Variants in FOXN3 observed in about 807,000 individuals in gnomAD.
FOXN3 encodes forkhead box N3, also known as forkhead box protein N3.
Under a neutral mutation model 38.4 loss-of-function variants are expected in FOXN3, and 7 were observed. That is an observed-to-expected ratio of 0.18 (90% confidence interval 0.10 to 0.34). The LOEUF is 0.34. FOXN3 is among the 10% of genes least tolerant of loss of function. The pLI is 1.00. For missense variants in FOXN3, 456 were observed against 613.4 expected (o/e 0.74, Z 2.71); for synonymous variants, 230 against 242.2 (o/e 0.95, Z 0.47).
intron 3 of FOXN3, among the ~76,000 whole-genome samples, chr14:89,292,073 T>G (rs891077303): frequency 2.0e-5 from 3 of 152,272 alleles, no homozygotes; most frequent in African/African-American, 7.2e-5. Context: ...TCACCTCCTC[T>G]TTTCTAAACG....
intron 1 of FOXN3, among the ~76,000 whole-genome samples, chr14:89,597,164 TTCATTG>T (rs1324636819): frequency 1.3e-5 from 2 of 152,206 alleles, no homozygotes; most frequent in Non-Finnish European, 2.9e-5. Flanking sequence ...CTGTCATATT[TTCATTG>T]TCATTAATTT....
chr14:89,182,808 G>A lies in FOXN3; in HGVS notation c.746-2002C>T, dbSNP rs144354421. 3.6e-4 allele frequency among the ~76,000 whole-genome samples: 55 copies of A among 152,260 alleles called. No homozygotes were observed. In the East Asian group the frequency reaches 0.01, roughly 29 times the overall value. ...AGACCAATCGAACAGAAGAGCATTCGGAAATAGACTCACACGCATGTGGTC... is the reference window on the plus strand; with the variant it reads ...AGACCAATCGAACAGAAGAGCATTCAGAAATAGACTCACACGCATGTGGTC... On this transcript the variant is annotated intron_variant, in intron 4 of 5. Coordinates refer to ENST00000557258, the MANE Select transcript of FOXN3 (RefSeq NM_005197.4).
At chr14:89,285,802 A>G (rs1886611259) in intron 3 of FOXN3, among the ~76,000 whole-genome samples, 1 of 152,090 alleles carries the variant, frequency 6.6e-6, no homozygotes, top group East Asian at 1.9e-4. Flanking sequence ...TGCACTTAAC[A>G]CTACAGAACT....
In FOXN3 at chr14:89,602,230, G is replaced by A. The variant is rs192153535; in HGVS notation, c.-15+16798C>T. On this transcript the variant is annotated intron_variant, in intron 1 of 6. Coordinates refer to the FOXN3 transcript ENST00000345097. ...CTTAAGCTTGAGAGGTAGAGGTTGC[G>A]GTAAGCCGAGATCACACCACTGCAC... Among the ~76,000 whole-genome samples the A allele has an allele frequency of 1.7e-4, 25 of 151,472 alleles. No individual in the cohort carries two copies. In the East Asian group the frequency reaches 2.4e-3, roughly 14 times the overall value.
chr14:89,544,798 T>C (rs574196605), intron 1 of FOXN3, among the ~76,000 whole-genome samples: 3 of 152,222 alleles, frequency 2.0e-5, no homozygotes, highest in African/African-American at 7.2e-5. Flanking sequence ...GTAGAAATGC[T>C]AGACAAAGGG....
At position 89,594,913 on chromosome 14, in the gene FOXN3, C is replaced by T. The variant is rs61996539; in HGVS notation, c.-15+24115G>A. Among the ~76,000 whole-genome samples the T allele has an allele frequency of 3.4e-3, 525 of 152,188 alleles. 1 individual carries two copies. The highest frequency in any genetic ancestry group is 6.8e-3 in the Middle Eastern group (2 of 292). ...TTTCTACTCTTGGCATTTTGTGTTT[C>T]CACATAAATTTTAGAATTGGCTTCT... On this transcript the variant is annotated intron_variant, in intron 1 of 6. Coordinates refer to the FOXN3 transcript ENST00000345097.
chr14:89,536,679 G>A (rs1299068800), intron 1 of FOXN3, among the ~76,000 whole-genome samples: 1 of 152,150 alleles, frequency 6.6e-6, no homozygotes, highest in Non-Finnish European at 1.5e-5. Flanking sequence ...TTGGGAGGCT[G>A]AGGCAGGAGA....
At chr14:89,207,303 T>A (rs1888410905) in intron 4 of FOXN3, among the ~76,000 whole-genome samples, 1 of 151,988 alleles carries the variant, frequency 6.6e-6, no homozygotes, top group Non-Finnish European at 1.5e-5. Context: ...CATCCATCAG[T>A]TACAACGTAT....
intron 1 of FOXN3, among the ~76,000 whole-genome samples, chr14:89,432,163 A>G (rs7155737): frequency 0.35 from 52,937 of 152,106 alleles, 11,444 homozygotes; most frequent in Admixed American, 0.49. Flanking sequence ...TCTCTGTGGA[A>G]GGGTATAAAG....
chr14:89,187,313 A>T (rs1037716319), intron 4 of FOXN3, among the ~76,000 whole-genome samples: 11 of 152,188 alleles, frequency 7.2e-5, no homozygotes, highest in Non-Finnish European at 1.2e-4. Context: ...CCACGGGGGA[A>T]TACAGGCAGG....
intron 1 of FOXN3, among the ~76,000 whole-genome samples, chr14:89,590,131 A>G (rs1452910286): frequency 6.7e-6 from 1 of 150,304 alleles, no homozygotes; most frequent in Admixed American, 6.6e-5. Context: ...GACACACAAT[A>G]GAGAACATTT....
chr14:89,398,288 G>C (rs1271651685), intron 2 of FOXN3, among the ~76,000 whole-genome samples: 1 of 152,222 alleles, frequency 6.6e-6, no homozygotes, highest in African/African-American at 2.4e-5. Flanking sequence ...ATGCGGGCTA[G>C]TGCATAACAG....
At chr14:89,445,414 C>T (rs1892472784) in intron 1 of FOXN3, among the ~76,000 whole-genome samples, 1 of 152,192 alleles carries the variant, frequency 6.6e-6, no homozygotes. Flanking sequence ...GCAAGTTAGG[C>T]CAGGTACACC....
chr14:89,581,966 C>G (rs1040118474), intron 1 of FOXN3, among the ~76,000 whole-genome samples: 1 of 152,166 alleles, frequency 6.6e-6, no homozygotes, highest in African/African-American at 2.4e-5. Flanking sequence ...TGTAACAACT[C>G]TCCGAGGCAA....
rs1887174183 is a variant in FOXN3 at position 89,163,977 on chromosome 14, G to A, written c.852-1008C>T. On this transcript the variant is annotated intron_variant, in intron 5 of 5. Coordinates refer to ENST00000557258, the MANE Select transcript of FOXN3 (RefSeq NM_005197.4). This position sits in a 1 kb window ranked among gnomAD's most constrained non-coding sequence, Gnocchi z 4.3. Reference sequence around the variant, plus strand: ...TCATCACACCTCTGATTATTTCTTTGTGTCTTTACATCTGAGCGATGTACT... The same window carrying A: ...TCATCACACCTCTGATTATTTCTTTATGTCTTTACATCTGAGCGATGTACT... Among the ~76,000 whole-genome samples the A allele has an allele frequency of 6.6e-6, 1 of 152,176 alleles. No individual in the cohort carries two copies. Among genetic ancestry groups the A allele is most frequent in the African/African-American group, 2.4e-5 (1 of 41,442 alleles).
At chr14:89,446,989 G>T (rs1476460284) in intron 1 of FOXN3, among the ~76,000 whole-genome samples, 1 of 152,144 alleles carries the variant, frequency 6.6e-6, no homozygotes, top group Non-Finnish European at 1.5e-5. Flanking sequence ...CTGAGGTCGG[G>T]AGTTCGAGAC....
At position 89,464,424 on chromosome 14, in the gene FOXN3, A is replaced by G. The variant is rs118015306; in HGVS notation, c.-14-51934T>C. On this transcript the variant is annotated intron_variant, in intron 1 of 6. Transcript: ENST00000345097. ...GTCATAGACACATGACCATGGTATC[A>G]AGCTATCTTTTCAGCAACAGCAGGA... is the stretch of plus-strand genomic sequence containing the variant. Among the ~76,000 whole-genome samples the G allele has an allele frequency of 8.1e-3, 1,239 of 152,248 alleles. 15 individuals are homozygous for G. Among genetic ancestry groups the G allele is most frequent in the Non-Finnish European group, 0.01 (696 of 68,000 alleles).
chr14:89,201,452 T>A (rs1455442239), intron 4 of FOXN3, among the ~76,000 whole-genome samples: 4 of 152,206 alleles, frequency 2.6e-5, no homozygotes, highest in Non-Finnish European at 1.5e-5. Flanking sequence ...AGGAGGGGAC[T>A]GGAGCCAGCC....
Position 89,360,713 on chromosome 14 carries a change from CACTACCTCCACCACCACCACCTCCAG to C in FOXN3, c.544-9931_544-9906del, listed in dbSNP as rs1566966273. ...CATCCTCAGCTACCACCACCTCCAGCACTACCTCCACCACCACCACCTCCAGCACCACCTCCACCACCACCTCCACC... is the reference window on the plus strand; with the variant it reads ...CATCCTCAGCTACCACCACCTCCAGCCACCACCTCCACCACCACCTCCACC... On this transcript the variant is annotated intron_variant, in intron 2 of 5. Transcript: ENST00000557258. 1.7e-4 allele frequency among the ~76,000 whole-genome samples: 24 copies of C among 141,400 alleles called. No homozygotes were observed. In the East Asian group the frequency reaches 1.9e-3, roughly 11 times the overall value. 92.8% of individuals were successfully genotyped at this position (141,400 alleles called of 152,430 possible).
Sources: gnomAD v4.1 joint callset for allele counts (sites outside exome capture counted in the v4.1 genomes callset) on GRCh38, gnomAD v4.1.1 for gene constraint, Gnocchi (gnomAD v3.1) non-coding constraint, MANE v1.5 for transcripts, NCBI Gene and HGNC (gene_info 2026-07-23, HGNC 2026-07-21) for gene names.